Variants in CNTN5 observed in about 807,000 individuals in gnomAD.
The protein encoded by CNTN5 is contactin 5.
In CNTN5, 77 loss-of-function variants were observed where a neutral mutation model predicts 129.1. That is an observed-to-expected ratio of 0.60 (90% confidence interval 0.50 to 0.72). The LOEUF (loss-of-function observed/expected upper bound fraction) is 0.72. Ranked by LOEUF, CNTN5 falls within the 30% of genes least tolerant of loss-of-function variation. The probability of loss-of-function intolerance (pLI) is 0.00; values close to 1 mark genes in which losing one functional copy is unlikely to be tolerated. For missense variants in CNTN5, 1,478 were observed against 1,328.8 expected, an observed-to-expected ratio of 1.11 and a Z score of -1.75; for synonymous variants, 509 against 465.6, an observed-to-expected ratio of 1.09 and a Z score of -1.20.
intron 9 of CNTN5, among the ~76,000 whole-genome samples, chr11:100,055,028 TAAAAA>T (rs137939088): frequency 5.5e-5 from 5 of 91,684 alleles, no homozygotes; most frequent in South Asian, 3.7e-4. Context: ...AGCCGTAGCC[TAAAAA>T]AAAAAAAAAA....
At chr11:99,990,457 C>T (rs28537478) in intron 8 of CNTN5, among the ~76,000 whole-genome samples, 33,774 of 143,864 alleles carry the variant, frequency 0.23, 4,195 homozygotes, top group East Asian at 0.51. Context: ...TATATATATA[C>T]ACACACACAC....
At chr11:99,251,765 G>A (rs551029834) in intron 1 of CNTN5, among the ~76,000 whole-genome samples, 1 of 152,018 alleles carries the variant, frequency 6.6e-6, no homozygotes, top group East Asian at 1.9e-4. Context: ...TTTTTTTCAT[G>A]TATGGTAGTA....
At chr11:99,313,941 G>A (rs1316303309) in intron 1 of CNTN5, among the ~76,000 whole-genome samples, 1 of 151,900 alleles carries the variant, frequency 6.6e-6, no homozygotes, top group East Asian at 1.9e-4. Context: ...GCATATCCTA[G>A]GCTACAAATG....
At chr11:99,776,202 A>G (rs1341425059) in intron 3 of CNTN5, among the ~76,000 whole-genome samples, 1 of 151,946 alleles carries the variant, frequency 6.6e-6, no homozygotes, top group African/African-American at 2.4e-5. Context: ...GTAGAGCCCT[A>G]GAGCATGTGA....
chr11:100,319,929 A>G (rs1951653009), intron 21 of CNTN5, among the ~76,000 whole-genome samples: 2 of 152,214 alleles, frequency 1.3e-5, no homozygotes, highest in Admixed American at 1.3e-4. Flanking sequence ...CGCTGTGTCT[A>G]TATAACACAT....
Position 99,754,013 on chromosome 11 carries a change from C to A in CNTN5, c.56-65531C>A, listed in dbSNP as rs557071912. 7.8e-3 allele frequency among the ~76,000 whole-genome samples: 1,178 copies of A among 150,310 alleles called. 12 individuals carry two copies. The highest frequency in any genetic ancestry group is 9.4e-3 in the Non-Finnish European group (636 of 67,702). On this transcript the variant is annotated intron_variant, in intron 3 of 24. Transcript: ENST00000524871. Reference sequence around the variant, plus strand: ...AAAAAAAAAAAATAAATAACAACAACAAAAAAACAAAAAAACACCTTCTGA... The same window carrying A: ...AAAAAAAAAAAATAAATAACAACAAAAAAAAAACAAAAAAACACCTTCTGA...
intron 6 of CNTN5, among the ~76,000 whole-genome samples, chr11:99,874,211 T>TA (rs1004099657): frequency 6.6e-6 from 1 of 152,136 alleles, no homozygotes; most frequent in Non-Finnish European, 1.5e-5. Context: ...AAAATTAAAA[T>TA]AAAAAAGATA....
At chr11:99,500,826 G>A (rs1946398704) in intron 2 of CNTN5, among the ~76,000 whole-genome samples, 1 of 151,836 alleles carries the variant, frequency 6.6e-6, no homozygotes, top group African/African-American at 2.4e-5. Flanking sequence ...GAAATTGATT[G>A]TCAATAAGTA....
chr11:99,586,270 T>C (rs1197405332), intron 3 of CNTN5, among the ~76,000 whole-genome samples: 1 of 152,192 alleles, frequency 6.6e-6, no homozygotes, highest in Non-Finnish European at 1.5e-5. Context: ...AAAACATTTG[T>C]GCTAACCATT....
chr11:100,174,232 G>A (rs111681953), intron 13 of CNTN5, among the ~76,000 whole-genome samples: 10 of 152,188 alleles, frequency 6.6e-5, no homozygotes, highest in Non-Finnish European at 1.0e-4. Context: ...TACGTAAAAC[G>A]TGGAATAGAT....
chr11:99,710,533 G>A (rs572311923), intron 3 of CNTN5, among the ~76,000 whole-genome samples: 1 of 151,096 alleles, frequency 6.6e-6, no homozygotes, highest in East Asian at 2.0e-4. Flanking sequence ...CTACTGCAGA[G>A]TTCCTGCTCT....
chr11:100,278,489 A>G (rs1591467016), intron 18 of CNTN5, among the ~76,000 whole-genome samples: 1 of 152,096 alleles, frequency 6.6e-6, no homozygotes, highest in East Asian at 1.9e-4. Flanking sequence ...AATGTATTGC[A>G]TCAGTTTTAC....
intron 1 of CNTN5, among the ~76,000 whole-genome samples, chr11:99,299,536 A>G (rs1864533143): frequency 6.6e-6 from 1 of 152,182 alleles, no homozygotes; most frequent in Non-Finnish European, 1.5e-5. Context: ...GTAAAGAAAA[A>G]TAAACAGAGT....
intron 3 of CNTN5, among the ~76,000 whole-genome samples, chr11:99,597,274 C>G (rs1950155238): frequency 6.6e-6 from 1 of 152,258 alleles, no homozygotes; most frequent in African/African-American, 2.4e-5. Flanking sequence ...ATGCCTCACC[C>G]CTGTAGCAAG....
chr11:99,876,659 T>C (rs1283395556), intron 6 of CNTN5, among the ~76,000 whole-genome samples: 1 of 152,206 alleles, frequency 6.6e-6, no homozygotes, highest in Non-Finnish European at 1.5e-5. Flanking sequence ...ATGAATAACA[T>C]AGTATAAAAA....
intron 3 of CNTN5, among the ~76,000 whole-genome samples, chr11:99,751,365 A>C (rs185365666): frequency 6.6e-6 from 1 of 152,276 alleles, no homozygotes; most frequent in Non-Finnish European, 1.5e-5. Context: ...ATTCAAAAAT[A>C]AAAAATAAGG....
At chr11:99,394,860 C>T (rs1324762607) in intron 2 of CNTN5, among the ~76,000 whole-genome samples, 1 of 151,822 alleles carries the variant, frequency 6.6e-6, no homozygotes, top group African/African-American at 2.4e-5. Flanking sequence ...CATGTCCCTA[C>T]AAAGGACATG....
intron 7 of CNTN5, among the ~76,000 whole-genome samples, chr11:99,925,807 A>G (rs1950048109): frequency 6.6e-6 from 1 of 152,132 alleles, no homozygotes. Context: ...ACCGTTGTAA[A>G]GACAGATAAG....
chr11:99,932,217 G>C (rs2136079262), intron 7 of CNTN5, among the ~76,000 whole-genome samples: 1 of 152,220 alleles, frequency 6.6e-6, no homozygotes, highest in South Asian at 2.1e-4. Flanking sequence ...TTGAGACGGA[G>C]TCTCGCTGTT....
Sources: gnomAD v4.1 joint callset for allele counts (sites outside exome capture counted in the v4.1 genomes callset) on GRCh38, gnomAD v4.1.1 for gene constraint, MANE v1.5 for transcripts, NCBI Gene and HGNC (gene_info 2026-07-23, HGNC 2026-07-21) for gene names.